CA1: variants seen among roughly 807,000 people sequenced by gnomAD.
CA1 encodes carbonic anhydrase 1, also known as carbonate dehydratase I.
In CA1, 27 loss-of-function variants were observed where a neutral mutation model predicts 28.8. The observed-to-expected ratio is 0.94, with a 90% CI of 0.69 to 1.29. The LOEUF is 1.29. Among genes scored for constraint, CA1 ranks in the 50% most tolerant of loss-of-function variants. The pLI is 0.00. For missense variants in CA1, 335 were observed against 310.5 expected, an observed-to-expected ratio of 1.08 and a Z score of -0.59; for synonymous variants, 121 against 108.8, an observed-to-expected ratio of 1.11 and a Z score of -0.70.
At chr8:85,334,423 A>G (rs1808551465) in intron 4 of CA1, among the ~76,000 whole-genome samples, 1 of 152,172 alleles carries the variant, frequency 6.6e-6, no homozygotes, top group Admixed American at 6.5e-5. Context: ...TTCCTTCCCC[A>G]TGATCTTCAA....
chr8:85,339,744 C>T (rs1237125306), intron 2 of CA1, among the ~76,000 whole-genome samples: 3 of 152,160 alleles, frequency 2.0e-5, no homozygotes, highest in Admixed American at 2.0e-4. Flanking sequence ...AGTGCACACA[C>T]AAATGATAAG....
At position 85,366,165 on chromosome 8, in the gene CA1, CTT is replaced by C. The variant is rs11395706; in HGVS notation, c.-25+11879_-25+11880del. 4.4e-3 allele frequency among the ~76,000 whole-genome samples: 560 copies of C among 128,246 alleles called. 3 individuals carry two copies. Among genetic ancestry groups the C allele is most frequent in the African/African-American group, 0.015 (511 of 33,190 alleles). The allele number at this position is 128,246 out of a possible 152,430, so 84.1% of individuals were successfully genotyped here. ...AAGCCCCACCATGCTCTTTCTTCCC[CTT>C]TTTTTTTTTTTTTTTTTTAAGTTTT... On this transcript the variant is annotated intron_variant, in intron 1 of 7. Coordinates refer to ENST00000523022, the MANE Select transcript of CA1 (RefSeq NM_001128831.4).
intron 2 of CA1, among the ~76,000 whole-genome samples, 177 bp from the exon 3 acceptor site, chr8:85,338,626 CCTTCTT>C (rs1464304928): frequency 7.5e-6 from 1 of 132,732 alleles, no homozygotes; most frequent in African/African-American, 2.9e-5. Flanking sequence ...TTCTTTCTTT[CCTTCTT>C]TTTCTTTCTT....
rs973844171 is a variant in CA1, at chr8:85,363,320, G to T, written c.-25+14726C>A. On this transcript the variant is annotated intron_variant, in intron 1 of 7. Coordinates refer to ENST00000523022, the MANE Select transcript of CA1 (RefSeq NM_001128831.4). ...ATGCAGGTGATAAATGCTGTTGAGG[G>T]CTCCGCTTGCTAACCATTTAAGAAA... Among the ~76,000 whole-genome samples the T allele has an allele frequency of 2.6e-5, 4 of 152,264 alleles. No homozygotes were observed. The East Asian group carries it at 7.7e-4, about 29-fold the overall frequency.
rs759829194 is a variant in CA1 at position 85,338,316 on chromosome 8, G to T, written c.171C>A (p.Ala57=). ...AATGCCCCACATTGATAATTTCTTT[G>T]GCTGTGGCTGGGTTGTAGGAGACAC... ...PISVSYNPAT[A]KEIINVGHSF... is the part of the protein sequence containing the mutation. Residue 57 remains alanine (A), a synonymous_variant, in exon 3 of 8, where the codon GCC becomes GCA. Coordinates refer to ENST00000523022, the MANE Select transcript of CA1 (RefSeq NM_001128831.4). 1.9e-6 allele frequency: 3 copies of T among 1,613,940 alleles called. No homozygotes were observed. In the South Asian group the frequency reaches 3.3e-5, roughly 18 times the overall value.
At chr8:85,376,637 G>A (rs1412248477) in intron 1 of CA1, among the ~76,000 whole-genome samples, 1 of 150,316 alleles carries the variant, frequency 6.7e-6, no homozygotes, top group Non-Finnish European at 1.5e-5. Context: ...ACTCCAGCCT[G>A]GTGACAGAGA....
chr8:85,338,904 T>C (rs575310594), intron 2 of CA1, among the ~76,000 whole-genome samples: 13 of 151,758 alleles, frequency 8.6e-5, no homozygotes, highest in Non-Finnish European at 1.9e-4. Context: ...TTAGTAGAGA[T>C]GGGGTTTCAT....
intron 1 of CA1, among the ~76,000 whole-genome samples, chr8:85,365,566 T>C (rs1217790708): frequency 2.0e-5 from 3 of 152,216 alleles, no homozygotes; most frequent in Non-Finnish European, 4.4e-5. Context: ...AAAATGAGCA[T>C]TTGGAAGAAC....
At chr8:85,338,776 C>T (rs183117975) in intron 2 of CA1, among the ~76,000 whole-genome samples, 32 of 145,658 alleles carry the variant, frequency 2.2e-4, no homozygotes, top group African/African-American at 7.9e-4. Context: ...TGCAGTGATG[C>T]GCTCTTGGCT....
At chr8:85,344,107 AT>A (rs1809033336) in intron 1 of CA1, among the ~76,000 whole-genome samples, 1 of 128,792 alleles carries the variant, frequency 7.8e-6, no homozygotes, top group African/African-American at 2.8e-5. Flanking sequence ...ATACTTTTAA[AT>A]TTTATATATA....
At chr8:85,356,702 G>T in intron 1 of CA1, among the ~76,000 whole-genome samples, 1 of 151,976 alleles carries the variant, frequency 6.6e-6, no homozygotes, top group Non-Finnish European at 1.5e-5. Flanking sequence ...ATGTCTTTCT[G>T]CAAGAAGAGA....
At chr8:85,367,852 A>G (rs1436004729) in intron 1 of CA1, among the ~76,000 whole-genome samples, 1 of 152,214 alleles carries the variant, frequency 6.6e-6, no homozygotes, top group Non-Finnish European at 1.5e-5. Context: ...ATTATATACA[A>G]TTTTTTGAAA....
chr8:85,349,606 G>A (rs188460529), intron 1 of CA1, among the ~76,000 whole-genome samples: 33 of 152,294 alleles, frequency 2.2e-4, no homozygotes, highest in Admixed American at 1.9e-3. Flanking sequence ...TATCTTTGGA[G>A]AGAATGCATG....
At chr8:85,346,419 G>A (rs571897474) in intron 1 of CA1, among the ~76,000 whole-genome samples, 8 of 152,246 alleles carry the variant, frequency 5.3e-5, no homozygotes, top group South Asian at 4.2e-4. Flanking sequence ...ACACTATTAA[G>A]TAACATTTTT....
intron 1 of CA1, among the ~76,000 whole-genome samples, chr8:85,375,620 A>G (rs952817953): frequency 6.6e-6 from 1 of 152,256 alleles, no homozygotes; most frequent in African/African-American, 2.4e-5. Flanking sequence ...GAAGATCTAC[A>G]TGCTCTAAAT....
At chr8:85,329,327 A>G (rs1808300216) in intron 7 of CA1, among the ~76,000 whole-genome samples, 3 of 152,184 alleles carry the variant, frequency 2.0e-5, no homozygotes. Flanking sequence ...ATATTTTGCC[A>G]ACTATCAAGG....
chr8:85,339,766 G>A (rs1808839521), intron 2 of CA1, among the ~76,000 whole-genome samples: 1 of 152,214 alleles, frequency 6.6e-6, no homozygotes, highest in Admixed American at 6.6e-5. Context: ...AAGCAAAGCA[G>A]CATTATTGCT....
At chr8:85,371,279 C>G (rs556871278) in intron 1 of CA1, among the ~76,000 whole-genome samples, 1 of 152,238 alleles carries the variant, frequency 6.6e-6, no homozygotes, top group South Asian at 2.1e-4. Context: ...AAAGGTAAGC[C>G]TCTGGCTTGA....
chr8:85,333,372 A>AT (rs1808492200), intron 5 of CA1, among the ~76,000 whole-genome samples, 153 bp downstream of exon 5: 1 of 152,212 alleles, frequency 6.6e-6, no homozygotes, highest in South Asian at 2.1e-4. Flanking sequence ...AAGCAATAAA[A>AT]TACTAGGGAA....
Sources: allele counts gnomAD v4.1 joint callset (sites outside exome capture counted in the v4.1 genomes callset), GRCh38; gene constraint gnomAD v4.1.1; transcripts MANE v1.5; gene names NCBI Gene and HGNC (gene_info 2026-07-23, HGNC 2026-07-21).